The following NPM1 variants were observed in gnomAD, a reference collection of about 807,000 sequenced individuals.
The protein encoded by NPM1 is nucleophosmin.
In NPM1, 1 loss-of-function variant was observed where a neutral mutation model predicts 44.1. The observed-to-expected ratio is 0.02, with a 90% CI of 0.01 to 0.11. The LOEUF (loss-of-function observed/expected upper bound fraction) is 0.11. NPM1 is among the 10% of genes least tolerant of loss of function. The pLI is 1.00. For synonymous variants in NPM1, 126 were observed against 111.8 expected, an observed-to-expected ratio of 1.13 and a Z score of -0.80; for missense variants, 197 against 347.8, an observed-to-expected ratio of 0.57 and a Z score of 3.45.
rs138304070 is a variant in NPM1, at chr5:171,396,526, A to G, written c.524+3548A>G. On this transcript the variant is annotated intron_variant, in intron 6 of 10. Coordinates refer to ENST00000296930, the MANE Select transcript of NPM1 (RefSeq NM_002520.7). ...ATGATACTTTTTCTAAATACAGCAA[A>G]TATTTCTTCGGTATTGGAAAGATAG... Among the ~76,000 whole-genome samples the G allele has an allele frequency of 2.9e-3, 436 of 152,292 alleles. 4 individuals are homozygous for G. The highest frequency in any genetic ancestry group is 0.01 in the African/African-American group (416 of 41,562).
intron 7 of NPM1, among the ~76,000 whole-genome samples, chr5:171,400,535 C>T (rs1173025469): frequency 6.6e-6 from 1 of 150,710 alleles, no homozygotes; most frequent in African/African-American, 2.4e-5. Context: ...CAGCTCACTG[C>T]AACTTCTGCC....
intron 1 of NPM1, 72 bp downstream of exon 1, chr5:171,388,078 G>GGTGGGGGGGGGGGGGGGGGC: frequency 1.6e-6 from 1 of 616,752 alleles, no homozygotes; most frequent in East Asian, 3.9e-5. Flanking sequence ...TGAGGGGCGG[G>GGTGGGGGGGGGGGGGGGGGC]AATCCGGCTG....
intron 8 of NPM1, 44 bp downstream of exon 8, chr5:171,400,969 G>A: frequency 4.6e-6 from 6 of 1,303,874 alleles, no homozygotes; most frequent in Non-Finnish European, 6.7e-6. Context: ...ATCTAGTTGG[G>A]GAAAAAGATT....
intron 6 of NPM1, among the ~76,000 whole-genome samples, chr5:171,399,452 C>T (rs963203198): frequency 1.3e-5 from 2 of 152,064 alleles, no homozygotes; most frequent in Non-Finnish European, 2.9e-5. Context: ...ATTATGTTGC[C>T]TAGGCTGGTC....
intron 9 of NPM1, chr5:171,406,991 T>TA (rs1182006940): frequency 1.9e-5 from 3 of 154,346 alleles, no homozygotes; most frequent in Non-Finnish European, 4.3e-5. Context: ...TTTGCAATAG[T>TA]AATGTTTTGA....
chr5:171,406,364 T>C, intron 9 of NPM1: 1 of 1,591,336 alleles, frequency 6.3e-7, no homozygotes, highest in Non-Finnish European at 8.6e-7. Flanking sequence ...CCCTCCATTT[T>C]AATATGGTCC....
At chr5:171,391,268 CTCA>C (rs1443895499) in intron 2 of NPM1, 34 bp from the exon 3 acceptor site, 2 of 1,599,774 alleles carry the variant, frequency 1.3e-6, no homozygotes, top group African/African-American at 2.7e-5. Context: ...ATAGGTGGAA[CTCA>C]AAAGTTGAAG....
chr5:171,391,294 T>G lies in NPM1; in HGVS notation c.139-11T>G, dbSNP rs199559300. The G allele has an allele frequency of 7.8e-4, 1,248 of 1,603,310 alleles. 1 individual carries two copies. The highest frequency in any genetic ancestry group is 9.2e-4 in the Non-Finnish European group (1,077 of 1,176,002). On this transcript the variant is annotated splice_polypyrimidine_tract_variant and intron_variant, in intron 2 of 10. Coordinates refer to ENST00000296930, the MANE Select transcript of NPM1 (RefSeq NM_002520.7). ...TCAAAAGTTGAAGTAGTATTTTTTT[T>G]TTGTTCACAGGTCAGTTTAGGGGCT...
chr5:171,389,295 T>C (rs569454117), intron 1 of NPM1, among the ~76,000 whole-genome samples: 1 of 152,364 alleles, frequency 6.6e-6, no homozygotes, highest in Non-Finnish European at 1.5e-5. Context: ...AGCATGTATA[T>C]GTATTGGTAA....
chr5:171,403,621 T>C (rs1321287597), intron 8 of NPM1, among the ~76,000 whole-genome samples: 4 of 113,900 alleles, frequency 3.5e-5, no homozygotes, highest in South Asian at 3.2e-4. Flanking sequence ...ACGGGGCGGC[T>C]GGCCGGGCAG....
chr5:171,407,850 T>A, intron 10 of NPM1, 76 bp downstream of exon 10: 1 of 872,490 alleles, frequency 1.1e-6, no homozygotes, highest in Non-Finnish European at 1.9e-6. Context: ...TTACCCTTTT[T>A]AAGTGTTGGC....
chr5:171,399,595 T>A (rs1437595669), intron 6 of NPM1, among the ~76,000 whole-genome samples: 1 of 152,208 alleles, frequency 6.6e-6, no homozygotes, highest in Admixed American at 6.5e-5. Flanking sequence ...TTGGGGAGTC[T>A]TCTAACGATT....
chr5:171,400,337 C>T, intron 7 of NPM1, 127 bp downstream of exon 7: 2 of 529,482 alleles, frequency 3.8e-6, no homozygotes, highest in East Asian at 1.5e-4. Context: ...AAAATTAGTC[C>T]TGAGGAGGAT....
At chr5:171,404,627 G>A (rs1343314529) in intron 8 of NPM1, among the ~76,000 whole-genome samples, 4 of 126,628 alleles carry the variant, frequency 3.2e-5, no homozygotes, top group Non-Finnish European at 5.0e-5. Context: ...TGGCGGCCGG[G>A]CGGAGACGCT....
intron 4 of NPM1, 98 bp downstream of exon 4, chr5:171,391,897 T>C: frequency 1.6e-6 from 1 of 611,610 alleles, no homozygotes; most frequent in Non-Finnish European, 2.9e-6. Flanking sequence ...AGTACTACTG[T>C]CTTTTTAATA....
rs1771441327 is a variant in NPM1, at chr5:171,404,273, G to A, written c.670-1029G>A. ...TCCCTCCCGGACGGGGTGGCTGCTG[G>A]GCGGAGATGCTCCTCACTTCCCAGA... On this transcript the variant is annotated intron_variant, in intron 8 of 10. Coordinates refer to ENST00000296930, the MANE Select transcript of NPM1 (RefSeq NM_002520.7). 1.9e-5 allele frequency among the ~76,000 whole-genome samples: 2 copies of A among 105,796 alleles called. 1 individual carries two copies. Among genetic ancestry groups the A allele is most frequent in the Non-Finnish European group, 4.0e-5 (2 of 50,610 alleles). 69.4% of individuals were successfully genotyped at this position (105,796 alleles called of 152,430 possible). A position where few individuals can be genotyped will look rare whatever the true frequency, so the allele number is the denominator to read the frequency against.
chr5:171,399,637 C>T (rs1275919907), intron 6 of NPM1, among the ~76,000 whole-genome samples: 3 of 151,804 alleles, frequency 2.0e-5, no homozygotes, highest in Non-Finnish European at 4.4e-5. Context: ...GGAGTGTTTC[C>T]ATCTTGGCAA....
At chr5:171,397,513 C>A (rs1030007445) in intron 6 of NPM1, among the ~76,000 whole-genome samples, 1 of 152,150 alleles carries the variant, frequency 6.6e-6, no homozygotes, top group Non-Finnish European at 1.5e-5. Flanking sequence ...GGTTTGATTG[C>A]GTCTCCCTGT....
At chr5:171,406,995 G>A (rs1019621410) in intron 9 of NPM1, 2 of 153,974 alleles carry the variant, frequency 1.3e-5, no homozygotes, top group East Asian at 3.6e-4. Context: ...CAATAGTAAT[G>A]TTTTGAAATT....
Sources: gnomAD v4.1 joint callset for allele counts (sites outside exome capture counted in the v4.1 genomes callset) on GRCh38, gnomAD v4.1.1 for gene constraint, MANE v1.5 for transcripts, NCBI Gene and HGNC (gene_info 2026-07-23, HGNC 2026-07-21) for gene names.